Variants in PLCB1 observed in about 807,000 individuals in gnomAD.
PLCB1 encodes the protein phospholipase C beta 1.
A neutral mutation model predicts 161.8 loss-of-function variants in PLCB1; 46 were observed. The ratio of observed to expected loss-of-function variants is 0.28; its 90% CI spans 0.22 to 0.36. PLCB1 has a LOEUF of 0.36. PLCB1 is among the 10% of genes least tolerant of loss of function. PLCB1 has a pLI of 1.00. For synonymous variants in PLCB1, 517 were observed against 503.7 expected (o/e 1.03, Z -0.35); for missense variants, 1,016 against 1,472.5 (o/e 0.69, Z 5.07).
intron 3 of PLCB1, among the ~76,000 whole-genome samples, chr20:8,572,581 A>G (rs1260861229): frequency 6.6e-6 from 1 of 152,198 alleles, no homozygotes; most frequent in African/African-American, 2.4e-5. Context: ...ATCCATGGAC[A>G]TTCTGTGCAC....
chr20:8,339,008 C>T (rs939349672), intron 2 of PLCB1, among the ~76,000 whole-genome samples: 4 of 152,038 alleles, frequency 2.6e-5, no homozygotes, highest in Admixed American at 2.6e-4. Flanking sequence ...TGAAGTGTTT[C>T]TTTGTATGAC....
chr20:8,838,212 C>T (rs1986365651), intron 31 of PLCB1, among the ~76,000 whole-genome samples: 1 of 152,170 alleles, frequency 6.6e-6, no homozygotes, highest in Admixed American at 6.5e-5. Context: ...GGAAAGACTC[C>T]TGTATATTAC....
chr20:8,609,946 GGTTTTTAGTAT>G (rs561383298), intron 3 of PLCB1, among the ~76,000 whole-genome samples: 232 of 152,112 alleles, frequency 1.5e-3, no homozygotes, highest in Non-Finnish European at 2.3e-3. Flanking sequence ...ACAATTCAGT[GGTTTTTAGTAT>G]ATTTAGTATA....
intron 31 of PLCB1, among the ~76,000 whole-genome samples, chr20:8,816,686 T>C (rs1985101225): frequency 6.6e-6 from 1 of 152,140 alleles, no homozygotes; most frequent in East Asian, 1.9e-4. Flanking sequence ...TAAACCATGG[T>C]TTACCTGGGG....
At chr20:8,635,255 A>AGGAAAGGAAG (rs1988724218) in intron 4 of PLCB1, among the ~76,000 whole-genome samples, 1 of 151,968 alleles carries the variant, frequency 6.6e-6, no homozygotes, top group Admixed American at 6.6e-5. Flanking sequence ...GGTGTGAGAG[A>AGGAAAGGAAG]GGAAAGGAAG....
At chr20:8,583,843 G>A (rs761382854) in intron 3 of PLCB1, among the ~76,000 whole-genome samples, 3 of 152,188 alleles carry the variant, frequency 2.0e-5, no homozygotes, top group South Asian at 4.1e-4. Flanking sequence ...GTGGAGCAGC[G>A]GTTTACAGCT....
intron 31 of PLCB1, among the ~76,000 whole-genome samples, chr20:8,793,556 G>A (rs79793842): frequency 0.22 from 34,089 of 151,944 alleles, 4,847 homozygotes; most frequent in Non-Finnish European, 0.32. Context: ...CCCACAAGCC[G>A]CAAAAACCAG....
chr20:8,838,955 A>C (rs1986394440), intron 31 of PLCB1, among the ~76,000 whole-genome samples: 1 of 152,208 alleles, frequency 6.6e-6, no homozygotes, highest in Non-Finnish European at 1.5e-5. Context: ...TTCAGCTGTC[A>C]AGGCCAGCAA....
At chr20:8,165,358 C>T (rs965812262) in intron 2 of PLCB1, among the ~76,000 whole-genome samples, 2 of 152,152 alleles carry the variant, frequency 1.3e-5, no homozygotes, top group African/African-American at 4.8e-5. Context: ...CAAACTATCA[C>T]ATGAATTCAT....
intron 2 of PLCB1, among the ~76,000 whole-genome samples, chr20:8,235,038 TAAC>T (rs1367289604): frequency 6.6e-6 from 1 of 152,100 alleles, no homozygotes; most frequent in African/African-American, 2.4e-5. Context: ...TCCTCAAAGA[TAAC>T]AACAGAGCAC....
intron 3 of PLCB1, among the ~76,000 whole-genome samples, chr20:8,592,942 G>C (rs6055933): frequency 0.16 from 24,306 of 152,034 alleles, 1,963 homozygotes; most frequent in Middle Eastern, 0.22. Flanking sequence ...TGAGATTCCG[G>C]AAACCCAGGC....
At chr20:8,214,488 A>G (rs527917999) in intron 2 of PLCB1, among the ~76,000 whole-genome samples, 1 of 152,178 alleles carries the variant, frequency 6.6e-6, no homozygotes, top group East Asian at 1.9e-4. Flanking sequence ...CCTCAGAAGC[A>G]GACATCTGTG....
chr20:8,838,866 T>C (rs1314442282), intron 31 of PLCB1, among the ~76,000 whole-genome samples: 1 of 152,230 alleles, frequency 6.6e-6, no homozygotes, highest in Non-Finnish European at 1.5e-5. Flanking sequence ...TATTCCCTGG[T>C]ACTTGGTATG....
At chr20:8,352,663 G>A (rs1435729096) in intron 2 of PLCB1, among the ~76,000 whole-genome samples, 1 of 152,040 alleles carries the variant, frequency 6.6e-6, no homozygotes, top group Non-Finnish European at 1.5e-5. Flanking sequence ...GCTAACTGAA[G>A]TAACTGGAAA....
In PLCB1 at chr20:8,883,206, A is replaced by G. The variant is rs1600114249; in HGVS notation, c.*1357A>G. On this transcript the variant is annotated 3_prime_UTR_variant, in exon 32 of 32. Coordinates refer to ENST00000338037, the MANE Select transcript of PLCB1 (RefSeq NM_015192.4). ...TAGGACAGAAATAATATGGACATTT[A>G]TTAGTATCTTCCATAATTTTTAAGT... is the stretch of plus-strand genomic sequence containing the variant. 1 of 152,180 alleles carries G rather than the reference A, an allele frequency of 6.6e-6. No individual in the cohort carries two copies. The highest frequency in any genetic ancestry group is 2.1e-4 in the South Asian group (1 of 4,832). 9.4% of individuals were successfully genotyped at this position (152,180 alleles called of 1,614,324 possible). A position where few individuals can be genotyped will look rare whatever the true frequency, so the allele number is the denominator to read the frequency against.
intron 4 of PLCB1, among the ~76,000 whole-genome samples, chr20:8,637,022 T>A (rs151100042): frequency 6.7e-4 from 92 of 136,542 alleles, no homozygotes; most frequent in Admixed American, 1.6e-3. Context: ...AGCAAGAACA[T>A]GAGCACCACA....
intron 3 of PLCB1, among the ~76,000 whole-genome samples, chr20:8,444,824 T>A (rs1033989732): frequency 3.3e-5 from 5 of 152,230 alleles, no homozygotes; most frequent in African/African-American, 1.2e-4. Flanking sequence ...TTTTCATGTG[T>A]CTGTTGGCTG....
intron 31 of PLCB1, among the ~76,000 whole-genome samples, chr20:8,815,625 G>T (rs1985050361): frequency 6.6e-6 from 1 of 152,296 alleles, no homozygotes; most frequent in South Asian, 2.1e-4. Context: ...CAGGTCAGAA[G>T]TCTAATCTTC....
Position 8,621,386 on chromosome 20 carries a change from GT to G in PLCB1, c.247-6905del, listed in dbSNP as rs374400449. Among the ~76,000 whole-genome samples, 320 of 152,302 alleles carry G rather than the reference GT, an allele frequency of 2.1e-3. 1 individual carries two copies. Among genetic ancestry groups the G allele is most frequent in the African/African-American group, 5.9e-3 (247 of 41,570 alleles). On this transcript the variant is annotated intron_variant, in intron 3 of 31. Coordinates refer to ENST00000338037, the MANE Select transcript of PLCB1 (RefSeq NM_015192.4). The stretch of plus-strand genomic sequence containing the variant: ...GTTGTCTATACTTTAGAATTTTTAA[GT>G]TTGACAAATACTGACTCAATGAGGA...
Sources: allele counts gnomAD v4.1 joint callset (sites outside exome capture counted in the v4.1 genomes callset), GRCh38; gene constraint gnomAD v4.1.1; transcripts MANE v1.5; gene names NCBI Gene and HGNC (gene_info 2026-07-23, HGNC 2026-07-21).